ATAD2: variants seen among roughly 807,000 people sequenced by gnomAD.
The protein encoded by ATAD2 is ATPase family AAA domain-containing protein 2.
ATAD2 carries 62 observed loss-of-function variants against 168.9 expected under a neutral mutation model. That is an observed-to-expected ratio of 0.37 (90% CI 0.30 to 0.45). The LOEUF is 0.45. Ranked by LOEUF, ATAD2 falls within the 20% of genes least tolerant of loss-of-function variation. The probability of loss-of-function intolerance (pLI) is 1.00; values close to 1 mark genes in which losing one functional copy is unlikely to be tolerated. For synonymous variants in ATAD2, 613 were observed against 571.6 expected (o/e 1.07, Z -1.03); for missense variants, 1,419 against 1,667.8 (o/e 0.85, Z 2.60).
In ATAD2 at chr8:123,347,320, T is replaced by C; in HGVS notation, c.1984A>G (p.Ser662Gly). 1 of 1,613,990 alleles carries C rather than the reference T, an allele frequency of 6.2e-7. No individual in the cohort carries two copies. The change falls in exon 16 of 28, where the codon AGT becomes GGT. Residue 662 changes from serine to glycine, a missense_variant. Ser to Gly is a moderately conservative substitution (Grantham distance 56). Transcript: ENST00000287394. The part of the protein sequence containing the change: ...RRRYPQIYTT[S>G]EKLQLDLSSI... ...GAGAGATCCAACTGCAGTTTCTCAC[T>C]AGTGGTATAGATCTGTGGGTAGCGT...
intron 26 of ATAD2, among the ~76,000 whole-genome samples, chr8:123,324,086 T>G (rs368478959): frequency 6.6e-6 from 1 of 152,332 alleles, no homozygotes; most frequent in East Asian, 1.9e-4. Context: ...GTCATGAGAT[T>G]TACATGGGTT....
At chr8:123,348,309 A>C (rs1828320466) in intron 14 of ATAD2, 36 bp from the exon 15 acceptor site, 7 of 1,332,936 alleles carry the variant, frequency 5.3e-6, no homozygotes, top group Non-Finnish European at 6.2e-6. Context: ...TTACAACTAT[A>C]ATAATAAATG....
chr8:123,339,362 C>G lies in ATAD2; in HGVS notation c.2803G>C (p.Asp935His), dbSNP rs747010642. The change falls in exon 20 of 28, where the codon GAT becomes CAT. Residue 935 changes from aspartate (D) to histidine (H), a missense_variant. By Grantham distance (81) the Asp-to-His change is moderately conservative. Transcript: ENST00000287394. ...DKEERTKFFE[D>H]LILKQAAKPP... The stretch of plus-strand genomic sequence containing the variant: ...TTAGCAGCTTGTTTTAGAATTAAAT[C>G]TTCAAAAAATTTTGTCCGTTCTTCT... 5 of 1,601,260 alleles carry G rather than the reference C, an allele frequency of 3.1e-6. No individual in the cohort carries two copies. The South Asian group carries it at 5.6e-5, about 18-fold the overall frequency.
upstream of ATAD2, chr8:123,401,130 G>A: frequency 7.8e-7 from 1 of 1,276,908 alleles, no homozygotes; most frequent in Non-Finnish European, 1.1e-6. Context: ...GGATTGAGCT[G>A]GTGGTGGCTC....
intron 1 of ATAD2, among the ~76,000 whole-genome samples, chr8:123,384,774 A>G (rs1398738945): frequency 6.6e-6 from 1 of 152,254 alleles, no homozygotes; most frequent in Admixed American, 6.5e-5. Flanking sequence ...GGAACGATAC[A>G]AAGATTAGCG....
Position 123,328,497 on chromosome 8 carries a change from C to A in ATAD2, c.3561G>T (p.Lys1187Asn). 6.3e-7 allele frequency: 1 copy of A among 1,599,566 alleles called. No individual in the cohort carries two copies. Among genetic ancestry groups the A allele is most frequent in the Non-Finnish European group, 8.5e-7 (1 of 1,174,600 alleles). Residue 1187 changes from lysine (K) to asparagine (N), a missense_variant, in exon 25 of 28, where the codon AAG (lysine) becomes AAT (asparagine). This residue lies in a region of ATAD2 where 303 missense variants were observed against 304.3 expected (regional missense o/e 1.00). Transcript: ENST00000287394. ...GATCTATGGCATTCTGGCTATCATC[C>A]TTTGCCTGTGAAATCTTCCTTCGCT... ...IKKRRKISQA[K>N]DDSQNAIDHK...
chr8:123,346,251 C>A lies in ATAD2; in HGVS notation c.2367G>T (p.Met789Ile). The change falls in exon 18 of 28, where the codon ATG becomes ATT. Residue 789 changes from methionine (M) to isoleucine (I), a missense_variant. This residue lies in a region of ATAD2 where 545 missense variants were observed against 724.9 expected (regional missense o/e 0.75). Transcript: ENST00000287394. Reference protein sequence around the residue: ...HLNRNACYQPMSFRPRILIVG... With the variant: ...HLNRNACYQPISFRPRILIVG... ...CTATCAATATTCTTGGTCGAAAAGACATAGGTTGGTAACAAGCATTTCTGA... is the reference window on the plus strand; with the variant it reads ...CTATCAATATTCTTGGTCGAAAAGAAATAGGTTGGTAACAAGCATTTCTGA... The A allele has an allele frequency of 5.0e-6, 8 of 1,601,640 alleles. No homozygotes were observed. Among genetic ancestry groups the A allele is most frequent in the Non-Finnish European group, 6.8e-6 (8 of 1,176,422 alleles).
At chr8:123,414,180 A>T (rs1643703911) in intron 1 of ATAD2, among the ~76,000 whole-genome samples, 1 of 151,734 alleles carries the variant, frequency 6.6e-6, no homozygotes, top group African/African-American at 2.4e-5. Context: ...CATAGTTGCT[A>T]ACATTTATAT....
chr8:123,382,508 T>C (rs769607671), intron 1 of ATAD2, among the ~76,000 whole-genome samples: 4 of 152,212 alleles, frequency 2.6e-5, no homozygotes, highest in Admixed American at 6.5e-5. Context: ...TTCCAAGGAA[T>C]ATTTAAATGG....
intron 26 of ATAD2, among the ~76,000 whole-genome samples, chr8:123,325,594 TA>T (rs1421136914): frequency 6.6e-6 from 1 of 151,864 alleles, no homozygotes; most frequent in Non-Finnish European, 1.5e-5. Flanking sequence ...CCTAATTTTT[TA>T]TTTTTAGTAA....
chr8:123,383,767 C>T (rs1305726116), intron 1 of ATAD2, among the ~76,000 whole-genome samples: 3 of 143,866 alleles, frequency 2.1e-5, no homozygotes, highest in Non-Finnish European at 4.5e-5. Context: ...GAGCAAAATT[C>T]AGTCTCAAAA....
intron 9 of ATAD2, among the ~76,000 whole-genome samples, chr8:123,359,958 T>G (rs1828763790): frequency 6.6e-6 from 1 of 152,172 alleles, no homozygotes; most frequent in Non-Finnish European, 1.5e-5. Flanking sequence ...TGATTCACGG[T>G]GGTGAAATCA....
chr8:123,360,225 A>C (rs1002374903), intron 9 of ATAD2, among the ~76,000 whole-genome samples: 82 of 152,354 alleles, frequency 5.4e-4, no homozygotes, highest in African/African-American at 1.9e-3. Flanking sequence ...CTGTCTCCAG[A>C]GCTATAACAA....
At chr8:123,348,600 C>A (rs1183452022) in intron 14 of ATAD2, among the ~76,000 whole-genome samples, 2 of 152,176 alleles carry the variant, frequency 1.3e-5, no homozygotes, top group African/African-American at 4.8e-5. Context: ...TTGCTTGAAT[C>A]CCGGGGACGG....
At position 123,349,372 on chromosome 8, in the gene ATAD2, A is replaced by G. The variant is rs766204305; in HGVS notation, c.1719T>C (p.Ala573=). 6.2e-7 allele frequency: 1 copy of G among 1,614,120 alleles called. No individual in the cohort carries two copies. Among genetic ancestry groups the G allele is most frequent in the Admixed American group, 1.7e-5 (1 of 60,016 alleles). ...DSRGEIVVIG[A]TNRLDSIDPA... ...GATCTATAGAATCTAGCCTGTTCGT[A>G]GCACCAATGACCACAATTTCCCCTC... Residue 573 remains alanine (A), a synonymous_variant, in exon 14 of 28, where the codon GCT becomes GCC. Coordinates refer to ENST00000287394, the MANE Select transcript of ATAD2 (RefSeq NM_014109.4).
chr8:123,337,596 T>C, intron 21 of ATAD2, 29 bp downstream of exon 21: 1 of 1,550,168 alleles, frequency 6.5e-7, no homozygotes, highest in South Asian at 1.3e-5. Flanking sequence ...TGGCCTAGAA[T>C]ACACTTGATC....
In ATAD2 at chr8:123,334,038, T is replaced by A; in HGVS notation, c.3335-17A>T. 1.3e-6 allele frequency: 2 copies of A among 1,596,956 alleles called. No individual in the cohort carries two copies. Among genetic ancestry groups the A allele is most frequent in the Non-Finnish European group, 1.7e-6 (2 of 1,170,038 alleles). The stretch of plus-strand genomic sequence containing the variant: ...AGCTACAACCTTATAAATAGATATG[T>A]GGGATGTCAAAAGGATTTCCAGATT... On this transcript the variant is annotated splice_polypyrimidine_tract_variant and intron_variant, in intron 23 of 27. Coordinates refer to ENST00000287394, the MANE Select transcript of ATAD2 (RefSeq NM_014109.4).
intron 24 of ATAD2, among the ~76,000 whole-genome samples, chr8:123,331,192 T>C (rs948096936): frequency 1.3e-5 from 2 of 151,974 alleles, no homozygotes; most frequent in Non-Finnish European, 2.9e-5. Flanking sequence ...CCACCCACCT[T>C]GACCTCCCAA....
In ATAD2 at chr8:123,370,936, C is replaced by T; in HGVS notation, c.694G>A (p.Glu232Lys). ...CCTTCTTGATTATCAGTTGTTTCTT[C>T]ATCAGTTCTTTGAATATCTTTCTGT... The part of the protein sequence containing the change: ...GKQKDIQRTD[E>K]ETTDNQEGSV... Residue 232 changes from glutamate to lysine, a missense_variant, in exon 6 of 28, where the codon GAA becomes AAA. Physicochemically the swap from Glu to Lys is moderately conservative, Grantham distance 56. Transcript: ENST00000287394. 1 of 1,608,094 alleles carries T rather than the reference C, an allele frequency of 6.2e-7. No individual in the cohort carries two copies.
Sources: gnomAD v4.1 joint callset for allele counts (sites outside exome capture counted in the v4.1 genomes callset) on GRCh38, gnomAD v4.1.1 for gene constraint, gnomAD v4.1.1 regional missense constraint, MANE v1.5 for transcripts, NCBI Gene and HGNC (gene_info 2026-07-23, HGNC 2026-07-21) for gene names.